The following GCNT1 variants were observed in gnomAD, a reference collection of about 807,000 sequenced individuals.
The protein encoded by GCNT1 is glucosaminyl (N-acetyl) transferase 1.
A neutral mutation model predicts 26.2 loss-of-function variants in GCNT1; 16 were observed. The ratio of observed to expected loss-of-function variants is 0.61; its 90% CI spans 0.41 to 0.93. GCNT1 has a LOEUF of 0.93. Ranked by LOEUF, GCNT1 falls within the 40% of genes least tolerant of loss-of-function variation. GCNT1 has a pLI of 0.00. For synonymous variants in GCNT1, 183 were observed against 190.8 expected (o/e 0.96, Z 0.34); for missense variants, 477 against 526.7 (o/e 0.91, Z 0.92).
chr9:76,481,928 T>A (rs1824433205), intron 2 of GCNT1, among the ~76,000 whole-genome samples: 1 of 152,164 alleles, frequency 6.6e-6, no homozygotes, highest in African/African-American at 2.4e-5. Flanking sequence ...AACAGTGGGT[T>A]GCATTATGGG....
intron 1 of GCNT1, among the ~76,000 whole-genome samples, chr9:76,449,311 A>C (rs912301349): frequency 9.7e-6 from 1 of 103,558 alleles, no homozygotes; most frequent in Admixed American, 9.0e-5. Flanking sequence ...ATAAAAAACA[A>C]CAAAAAAAAA....
rs1326702500 is a variant in GCNT1, at chr9:76,502,560, C to T, written c.179C>T (p.Thr60Ile). 1 of 1,613,790 alleles carries T rather than the reference C, an allele frequency of 6.2e-7. No homozygotes were observed. The highest frequency in any genetic ancestry group is 1.7e-5 in the Admixed American group (1 of 59,970). The stretch of plus-strand genomic sequence containing the variant: ...AATCCTAGTAGTGATATTAATTGCA[C>T]CAAAGTTTTACAGGGTGATGTAAAT... Reference protein sequence around the residue: ...GENPSSDINCTKVLQGDVNEI... With the variant: ...GENPSSDINCIKVLQGDVNEI... The change falls in exon 4 of 4, where the codon ACC (threonine) becomes ATC (isoleucine). Residue 60 changes from threonine to isoleucine, a missense_variant. Thr to Ile is a moderately conservative substitution (Grantham distance 89, BLOSUM62 -1). Transcript: ENST00000376730.
chr9:76,415,394 AT>A (rs1310072736), upstream of GCNT1, among the ~76,000 whole-genome samples: 2 of 152,118 alleles, frequency 1.3e-5, no homozygotes, highest in African/African-American at 2.4e-5. Flanking sequence ...TGCCCCTTGG[AT>A]TTTTCCCCCC....
chr9:76,489,546 G>T (rs531925222), intron 2 of GCNT1, among the ~76,000 whole-genome samples: 40 of 152,226 alleles, frequency 2.6e-4, no homozygotes, highest in African/African-American at 9.6e-4. Flanking sequence ...CTGCTGATTG[G>T]TCCGTTTTAC....
At chr9:76,416,242 T>C (rs1823131451), upstream of GCNT1, among the ~76,000 whole-genome samples, 1 of 152,050 alleles carries the variant, frequency 6.6e-6, no homozygotes, top group Non-Finnish European at 1.5e-5. Flanking sequence ...ACGGCTGAAC[T>C]CCAGGGGGAA....
intron 2 of GCNT1, among the ~76,000 whole-genome samples, chr9:76,461,741 T>C (rs1244223504): frequency 6.6e-6 from 1 of 151,240 alleles, no homozygotes; most frequent in Admixed American, 6.6e-5. Context: ...ATTCAAAAAT[T>C]AGCCAGGTGT....
At chr9:76,445,594 T>C (rs1423171560) in intron 1 of GCNT1, among the ~76,000 whole-genome samples, 2 of 150,842 alleles carry the variant, frequency 1.3e-5, no homozygotes, top group African/African-American at 2.5e-5. Context: ...GGTTTCAACA[T>C]GTTGGCCAGG....
At position 76,475,980 on chromosome 9, in the gene GCNT1, A is replaced by G. The variant is rs531208843; in HGVS notation, c.-290+15803A>G. ...ATGTTGATTTCAAAGAGGGGCAATC[A>G]TTGTGGTTTGGGAAAGGACCAGAGG... On this transcript the variant is annotated intron_variant, in intron 2 of 3. Transcript: ENST00000376730. Among the ~76,000 whole-genome samples, 7 of 152,312 alleles carry G rather than the reference A, an allele frequency of 4.6e-5. No individual in the cohort carries two copies. In the East Asian group the frequency reaches 1.3e-3, roughly 29 times the overall value.
the GCNT1 span, among the ~76,000 whole-genome samples, chr9:76,412,249 TA>T: frequency 1.3e-5 from 2 of 152,228 alleles, no homozygotes; most frequent in East Asian, 3.8e-4. Flanking sequence ...TGTATGTATA[TA>T]CACCCAATCA....
chr9:76,467,513 G>T (rs1824028812), intron 2 of GCNT1, among the ~76,000 whole-genome samples: 1 of 152,200 alleles, frequency 6.6e-6, no homozygotes, highest in Non-Finnish European at 1.5e-5. Flanking sequence ...TGACACCCAG[G>T]TCAAACTCTA....
At chr9:76,432,896 C>A (rs999925380) in intron 1 of GCNT1, among the ~76,000 whole-genome samples, 1 of 152,026 alleles carries the variant, frequency 6.6e-6, no homozygotes, top group Non-Finnish European at 1.5e-5. Context: ...TTTTTACAGT[C>A]GTGCTCACCT....
intron 2 of GCNT1, among the ~76,000 whole-genome samples, chr9:76,491,708 C>A (rs1824741902): frequency 6.6e-6 from 1 of 152,218 alleles, no homozygotes; most frequent in Admixed American, 6.5e-5. Context: ...AAGGGGACTT[C>A]TAAGAGATCC....
chr9:76,503,651 G>A lies in GCNT1; in HGVS notation c.1270G>A (p.Glu424Lys). ...TGAGCATTTGAGACACAAAGCTTTG[G>A]AGACATTAAAACACTGACCATTACG... ...LDEHLRHKAL[E>K]TLKH Residue 424 changes from glutamate to lysine, a missense_variant, in exon 4 of 4, where the codon GAG becomes AAG. Physicochemically the swap from Glu to Lys is moderately conservative, Grantham distance 56 (BLOSUM62 1). Coordinates refer to ENST00000376730, the MANE Select transcript of GCNT1 (RefSeq NM_001490.5). 2 of 1,613,504 alleles carry A rather than the reference G, an allele frequency of 1.2e-6. No individual in the cohort carries two copies. Among genetic ancestry groups the A allele is most frequent in the Middle Eastern group, 1.7e-4 (1 of 6,058 alleles).
At chr9:76,488,894 A>G (rs1024500886) in intron 2 of GCNT1, among the ~76,000 whole-genome samples, 1 of 152,190 alleles carries the variant, frequency 6.6e-6, no homozygotes, top group Non-Finnish European at 1.5e-5. Flanking sequence ...TGTTCTAGTC[A>G]TCTATTGCTA....
chr9:76,429,957 G>A (rs1220089658), intron 1 of GCNT1, among the ~76,000 whole-genome samples: 2 of 152,032 alleles, frequency 1.3e-5, no homozygotes, highest in Non-Finnish European at 2.9e-5. Flanking sequence ...CTTGTGATCT[G>A]CCCGCCTCGG....
intron 2 of GCNT1, among the ~76,000 whole-genome samples, chr9:76,493,789 T>C (rs907710473): frequency 2.0e-5 from 3 of 152,060 alleles, no homozygotes; most frequent in Non-Finnish European, 2.9e-5. Context: ...AAAAGAAAGC[T>C]TGGACATAAG....
In GCNT1 at chr9:76,504,366, G is replaced by T. The variant is rs1825177520; in HGVS notation, c.*698G>T. On this transcript the variant is annotated 3_prime_UTR_variant, in exon 4 of 4. Transcript: ENST00000376730. Reference sequence around the variant, plus strand: ...ACAAATCATCTTATGTTATTAGCAAGGTTAAGACATCTTTTTTAAAAAAAT... The same window carrying T: ...ACAAATCATCTTATGTTATTAGCAATGTTAAGACATCTTTTTTAAAAAAAT... 5.6e-6 allele frequency: 1 copy of T among 177,158 alleles called. No individual in the cohort carries two copies. Among genetic ancestry groups the T allele is most frequent in the African/African-American group, 2.4e-5 (1 of 41,906 alleles). The allele number at this position is 177,158 out of a possible 1,614,324, so 11.0% of individuals were successfully genotyped here. A position where few individuals can be genotyped will look rare whatever the true frequency, so the allele number is the denominator to read the frequency against.
rs1823570203 is a variant in GCNT1, at chr9:76,445,909, G to A, written c.-290+3594G>A. ...GAGGGAGGATCTCTTAAGCCCAGAA[G>A]TTTGAAGCTGCAGTGAGCTGTGGTC... On this transcript the variant is annotated intron_variant, in intron 1 of 2. Coordinates refer to the GCNT1 transcript ENST00000442371. Among the ~76,000 whole-genome samples the A allele has an allele frequency of 3.9e-5, 6 of 152,192 alleles. No homozygotes were observed. In the South Asian group the frequency reaches 1.2e-3, roughly 32 times the overall value.
chr9:76,503,105 C>T lies in GCNT1; in HGVS notation c.724C>T (p.Leu242=). ...KLKLLMGENN[L]ETERMPSHKE... ...CAAGTTGTTAATGGGAGAAAACAAC[C>T]TGGAAACGGAGAGGATGCCATCCCA... Residue 242 remains leucine (L), a synonymous_variant, in exon 4 of 4, where the codon CTG becomes TTG. Coordinates refer to ENST00000376730, the MANE Select transcript of GCNT1 (RefSeq NM_001490.5). 3.7e-6 allele frequency: 6 copies of T among 1,614,096 alleles called. No individual in the cohort carries two copies. The highest frequency in any genetic ancestry group is 5.1e-6 in the Non-Finnish European group (6 of 1,180,006).
Sources: gnomAD v4.1 joint callset for allele counts (sites outside exome capture counted in the v4.1 genomes callset) on GRCh38, gnomAD v4.1.1 for gene constraint, MANE v1.5 for transcripts, NCBI Gene and HGNC (gene_info 2026-07-23, HGNC 2026-07-21) for gene names.